The following STIM1 variants were observed in gnomAD, a reference collection of about 807,000 sequenced individuals.
STIM1 encodes stromal interaction molecule 1.
STIM1 carries 25 observed loss-of-function variants against 74.7 expected under a neutral mutation model. The observed-to-expected ratio is 0.33, with a 90% CI of 0.24 to 0.47. The LOEUF is 0.47. Ranked by LOEUF, STIM1 falls within the 20% of genes least tolerant of loss-of-function variation. The pLI, the probability that STIM1 is intolerant of heterozygous loss-of-function variation, is 1.00. For synonymous variants in STIM1, 328 were observed against 348.8 expected (o/e 0.94, Z 0.66); for missense variants, 728 against 920.8 (o/e 0.79, Z 2.71).
rs2094484239 is a variant in STIM1, at chr11:4,084,877, C to T, written c.1567+112C>T. 3 of 826,466 alleles carry T rather than the reference C, an allele frequency of 3.6e-6. No homozygotes were observed. The Admixed American group carries it at 7.1e-5, about 19-fold the overall frequency. 51.2% of individuals were successfully genotyped at this position (826,466 alleles called of 1,614,324 possible). ...TGCTTCACGCCCCTGCCTGCTCCCT[C>T]TATCCCCTCAGCACTGTCCCTACTA... On this transcript the variant is annotated intron_variant, in intron 11 of 12. Transcript: ENST00000526596.
At chr11:3,928,631 C>T (rs1181063836) in intron 1 of STIM1, among the ~76,000 whole-genome samples, 1 of 151,960 alleles carries the variant, frequency 6.6e-6, no homozygotes. Flanking sequence ...GTGTATGCAT[C>T]TTATAGAGCC....
intron 3 of STIM1, among the ~76,000 whole-genome samples, chr11:4,044,438 C>A (rs2094174407): frequency 6.6e-6 from 1 of 152,136 alleles, no homozygotes; most frequent in Non-Finnish European, 1.5e-5. Context: ...GTGCTTGAAC[C>A]TTGGGGACAG....
chr11:3,988,007 G>A (rs537869273), intron 2 of STIM1, among the ~76,000 whole-genome samples: 24 of 152,294 alleles, frequency 1.6e-4, no homozygotes, highest in Middle Eastern at 6.8e-3. Context: ...AAAGGTGAGT[G>A]TCATTTATAA....
chr11:3,949,316 T>G (rs1042610258), intron 1 of STIM1, among the ~76,000 whole-genome samples: 1 of 152,184 alleles, frequency 6.6e-6, no homozygotes, highest in Non-Finnish European at 1.5e-5. Context: ...AAAGTGAGCC[T>G]TGCATATTTA....
At chr11:3,958,154 G>A (rs989889154) in intron 1 of STIM1, among the ~76,000 whole-genome samples, 3 of 152,176 alleles carry the variant, frequency 2.0e-5, no homozygotes, top group African/African-American at 7.2e-5. Context: ...TTGAGCCACC[G>A]CTCCCAGCTG....
intron 4 of STIM1, among the ~76,000 whole-genome samples, chr11:4,058,153 A>G (rs1590680721): frequency 6.6e-6 from 1 of 152,198 alleles, no homozygotes; most frequent in East Asian, 1.9e-4. Context: ...GAACCCCAAG[A>G]ACTCCCAGGC....
intron 3 of STIM1, among the ~76,000 whole-genome samples, chr11:4,034,097 C>A (rs188441011): frequency 2.5e-4 from 38 of 151,648 alleles, no homozygotes; most frequent in Non-Finnish European, 4.1e-4. Context: ...GTTGTGGTGG[C>A]GGGCGCCTGT....
intron 5 of STIM1, among the ~76,000 whole-genome samples, chr11:4,059,760 G>A (rs1031353023): frequency 6.6e-6 from 1 of 152,124 alleles, no homozygotes; most frequent in African/African-American, 2.4e-5. Flanking sequence ...AAGGTGACAT[G>A]TTACCTCTGC....
At position 3,879,423 on chromosome 11, in the gene STIM1, T is replaced by C. The variant is rs1374421794; in HGVS notation, c.139+23014T>C. On this transcript the variant is annotated intron_variant, in intron 1 of 12. Coordinates refer to ENST00000526596, the MANE Select transcript of STIM1 (RefSeq NM_001382567.1). ...TACCATATAATTTGTCACCTAATTA[T>C]CTACTGTTTCACTTTCTGTTGGTTT... 2.6e-5 allele frequency among the ~76,000 whole-genome samples: 4 copies of C among 152,248 alleles called. No homozygotes were observed. In the South Asian group the frequency reaches 8.3e-4, roughly 31 times the overall value.
intron 7 of STIM1, among the ~76,000 whole-genome samples, chr11:4,076,503 A>T (rs2094438134): frequency 6.6e-6 from 1 of 150,546 alleles, no homozygotes; most frequent in South Asian, 2.1e-4. Context: ...AAAAAAAAAA[A>T]AAAAAAAAAA....
intron 2 of STIM1, among the ~76,000 whole-genome samples, chr11:3,983,071 A>G (rs958748679): frequency 3.3e-5 from 5 of 152,126 alleles, no homozygotes; most frequent in African/African-American, 9.7e-5. Context: ...AGCTGGGGCT[A>G]CAGGCATGCA....
intron 5 of STIM1, among the ~76,000 whole-genome samples, chr11:4,068,039 G>T (rs2094379654): frequency 6.6e-6 from 1 of 152,202 alleles, no homozygotes; most frequent in African/African-American, 2.4e-5. Context: ...ACAAGGCAGA[G>T]GGTTGGATAG....
intron 1 of STIM1, among the ~76,000 whole-genome samples, chr11:3,895,624 T>C (rs1270854118): frequency 3.7e-3 from 18 of 4,832 alleles, no homozygotes; most frequent in African/African-American, 9.2e-3. Flanking sequence ...CTTTCTTTCT[T>C]TCTTTCTTTC....
chr11:3,977,229 G>A (rs889393438), intron 2 of STIM1, among the ~76,000 whole-genome samples: 3 of 152,198 alleles, frequency 2.0e-5, no homozygotes, highest in African/African-American at 7.2e-5. Flanking sequence ...TAATCACTGT[G>A]TTGAATGACT....
intron 7 of STIM1, among the ~76,000 whole-genome samples, chr11:4,079,123 C>T (rs2094451801): frequency 6.6e-6 from 1 of 151,940 alleles, no homozygotes; most frequent in Non-Finnish European, 1.5e-5. Flanking sequence ...CACCCTGTCT[C>T]TACTAAAAAT....
At chr11:4,069,954 G>A (rs1368382276) in intron 5 of STIM1, 72 bp from the exon 6 acceptor site, 6 of 1,523,798 alleles carry the variant, frequency 3.9e-6, no homozygotes, top group Admixed American at 1.7e-5. Context: ...ATAGAGGAGG[G>A]ATGCAGTGGA....
chr11:3,865,799 G>A (rs536207460), intron 1 of STIM1, among the ~76,000 whole-genome samples: 1 of 152,178 alleles, frequency 6.6e-6, no homozygotes, highest in African/African-American at 2.4e-5. Context: ...GGGGTTACTC[G>A]TGGCCACCTG....
In STIM1 at chr11:4,091,664, A is replaced by G. The variant is rs1018411314; in HGVS notation, c.2017A>G (p.Thr673Ala). The G allele has an allele frequency of 3.1e-6, 5 of 1,614,102 alleles. No individual in the cohort carries two copies. Among genetic ancestry groups the G allele is most frequent in the Non-Finnish European group, 4.2e-6 (5 of 1,180,050 alleles). The change falls in exon 13 of 13, where the codon ACA becomes GCA. Residue 673 changes from threonine to alanine, a missense_variant. Around this residue, in one of 5 missense-constraint regions of STIM1, gnomAD observed 352 missense variants for 370.1 expected, o/e 0.95. Transcript: ENST00000526596. The stretch of plus-strand genomic sequence containing the variant: ...CCGAGCCCTGCAAGCCAGCCGAAAC[A>G]CACGCATTCCCCACCTGGCTGGCAA... ...DSRALQASRN[T>A]RIPHLAGKKA...
intron 1 of STIM1, among the ~76,000 whole-genome samples, chr11:3,956,470 G>A (rs192050506): frequency 1.3e-3 from 198 of 152,272 alleles, no homozygotes; most frequent in African/African-American, 4.5e-3. Flanking sequence ...TCCATGTGAT[G>A]TCTACTAGGT....
Sources: allele counts gnomAD v4.1 joint callset (sites outside exome capture counted in the v4.1 genomes callset), GRCh38; gene constraint gnomAD v4.1.1; regional missense constraint gnomAD v4.1.1; transcripts MANE v1.5; gene names NCBI Gene and HGNC (gene_info 2026-07-23, HGNC 2026-07-21).